KIFC2: variants seen among roughly 807,000 people sequenced by gnomAD.
KIFC2 encodes the protein kinesin family member C2.
KIFC2 carries 94 observed loss-of-function variants against 91.5 expected under a neutral mutation model. The observed-to-expected ratio is 1.03, with a 90% CI of 0.87 to 1.22. The LOEUF is 1.22. Ranked by LOEUF, KIFC2 falls within the 50% of genes most tolerant of loss-of-function variation. The pLI, the probability that KIFC2 is intolerant of heterozygous loss-of-function variation, is 0.00. For missense variants in KIFC2, 1,357 were observed against 1,103.3 expected (o/e 1.23, Z -3.26); for synonymous variants, 729 against 503.9 (o/e 1.45, Z -5.98).
intron 12 of KIFC2, among the ~76,000 whole-genome samples, chr8:144,470,010 C>G (rs145761674): frequency 6.6e-6 from 1 of 152,276 alleles, no homozygotes; most frequent in African/African-American, 2.4e-5. Context: ...CTGGATCCCA[C>G]TCTCCTTCCC....
Position 144,468,323 on chromosome 8 carries a change from C to A in KIFC2, c.811-6C>A. 6.2e-7 allele frequency: 1 copy of A among 1,608,158 alleles called. No individual in the cohort carries two copies. The highest frequency in any genetic ancestry group is 1.7e-5 in the Admixed American group (1 of 59,162). ...TGAGTCCCTCCTGGCCCCCACCCTC[C>A]CGCAGGAGGAGGCAGAGGCATTGCT... On this transcript the variant is annotated splice_region_variant and splice_polypyrimidine_tract_variant and intron_variant, in intron 7 of 17. Transcript: ENST00000645548.
chr8:144,473,063 G>T lies in KIFC2; in HGVS notation c.2118+12G>T. 1 of 1,437,670 alleles carries T rather than the reference G, an allele frequency of 7.0e-7. No individual in the cohort carries two copies. The highest frequency in any genetic ancestry group is 9.1e-7 in the Non-Finnish European group (1 of 1,101,116). 89.1% of individuals were successfully genotyped at this position (1,437,670 alleles called of 1,614,324 possible). On this transcript the variant is annotated intron_variant, in intron 17 of 17. Transcript: ENST00000645548. Reference sequence around the variant, plus strand: ...TGCTGCTGCTGCAGGTGGGCGCCGGGGCGGGGCAGGTGTGTGCGTGCCGGT... The same window carrying T: ...TGCTGCTGCTGCAGGTGGGCGCCGGTGCGGGGCAGGTGTGTGCGTGCCGGT...
chr8:144,469,049 C>T (rs1259982016), intron 10 of KIFC2, among the ~76,000 whole-genome samples: 5 of 152,222 alleles, frequency 3.3e-5, no homozygotes, highest in East Asian at 1.9e-4. Context: ...TGCCCAGAAG[C>T]ACGGAGGAGA....
rs771262733 is a variant in KIFC2 at position 144,472,054 on chromosome 8, A to G, written c.1485+8A>G. On this transcript the variant is annotated splice_region_variant and intron_variant, in intron 13 of 17. Transcript: ENST00000645548. ...AAGACCTACAGCATGGAGGTGGGAC[A>G]GAGCTCACGCCCCAGTGGGAGAGGC... 1.2e-6 allele frequency: 2 copies of G among 1,613,350 alleles called. No individual in the cohort carries two copies. Among genetic ancestry groups the G allele is most frequent in the Non-Finnish European group, 1.7e-6 (2 of 1,179,982 alleles).
chr8:144,471,102 T>C (rs1229807288), intron 12 of KIFC2, among the ~76,000 whole-genome samples: 2 of 151,918 alleles, frequency 1.3e-5, no homozygotes, highest in African/African-American at 4.8e-5. Context: ...TAGCTGGGAT[T>C]ACAGGTGCGT....
chr8:144,470,695 G>T (rs972784579), intron 12 of KIFC2: 6 of 152,332 alleles, frequency 3.9e-5, no homozygotes, highest in African/African-American at 1.4e-4. Flanking sequence ...TCCTAACCTT[G>T]TGTCTCTCTC....
chr8:144,472,677 C>T lies in KIFC2; in HGVS notation c.1832C>T (p.Ala611Val), dbSNP rs777451725. 13 of 1,596,034 alleles carry T rather than the reference C, an allele frequency of 8.1e-6. No individual in the cohort carries two copies. Among genetic ancestry groups the T allele is most frequent in the East Asian group, 2.2e-5 (1 of 44,768 alleles). Residue 611 changes from alanine (A) to valine (V), a missense_variant, in exon 16 of 18, where the codon GCG (alanine) becomes GTG (valine). Transcript: ENST00000645548. ...CTGGTCACGCTGACGCTGCGCGCGG[C>T]GTCTCCACCGCGCGCTCCAGGCACC... The part of the protein sequence containing the change: ...HALVTLTLRA[A>V]SPPRAPGTAG...
In KIFC2 at chr8:144,469,329, G is replaced by T. The variant is rs1327443257; in HGVS notation, c.1172G>T (p.Gly391Val). The T allele has an allele frequency of 5.0e-6, 8 of 1,607,712 alleles. No homozygotes were observed. In the Middle Eastern group the frequency reaches 5.0e-4, roughly 101 times the overall value. Residue 391 changes from glycine (G) to valine (V), a missense_variant, in exon 11 of 18, where the codon GGG (glycine) becomes GTG (valine). Coordinates refer to ENST00000645548, the MANE Select transcript of KIFC2 (RefSeq NM_001369769.2). ...SGGPGTQLPE[G>V]QQGPPAGCPG... ...GGGCCTGGCACTCAGCTCCCTGAGGGGCAGCAAGGGCCCCCAGCCGGATGC... is the reference window on the plus strand; with the variant it reads ...GGGCCTGGCACTCAGCTCCCTGAGGTGCAGCAAGGGCCCCCAGCCGGATGC...
rs112422823 is a variant in KIFC2 at position 144,466,532 on chromosome 8, G to T, written c.99+14G>T. On this transcript the variant is annotated intron_variant, in intron 1 of 17. Coordinates refer to ENST00000645548, the MANE Select transcript of KIFC2 (RefSeq NM_001369769.2). Reference sequence around the variant, plus strand: ...GACCCCGCCCAGGTGAGCGGGGCTGGCCGTGCAGCCCGTCGTCTCCCGCCG... The same window carrying T: ...GACCCCGCCCAGGTGAGCGGGGCTGTCCGTGCAGCCCGTCGTCTCCCGCCG... 1 of 1,218,860 alleles carries T rather than the reference G, an allele frequency of 8.2e-7. No individual in the cohort carries two copies. The highest frequency in any genetic ancestry group is 2.7e-5 in the South Asian group (1 of 37,128). 75.5% of individuals were successfully genotyped at this position (1,218,860 alleles called of 1,614,324 possible).
chr8:144,466,349 G>A lies in KIFC2; in HGVS notation c.-71G>A. 3.7e-6 allele frequency: 2 copies of A among 534,676 alleles called. No individual in the cohort carries two copies. The highest frequency in any genetic ancestry group is 5.2e-6 in the Non-Finnish European group (2 of 383,484). 33.1% of individuals were successfully genotyped at this position (534,676 alleles called of 1,614,324 possible). On this transcript the variant is annotated 5_prime_UTR_variant, in exon 1 of 18. Coordinates refer to ENST00000645548, the MANE Select transcript of KIFC2 (RefSeq NM_001369769.2). ...GAGCATGCGCACCGGCACTGCGGCG[G>A]GCGGGCGCCGAGTCTGGGCGCGGGG... is the stretch of plus-strand genomic sequence containing the variant.
chr8:144,473,264 A>G lies in KIFC2; in HGVS notation c.2251A>G (p.Ser751Gly), dbSNP rs376524561. The change falls in exon 18 of 18, where the codon AGC becomes GGC. Residue 751 changes from serine (S) to glycine (G), a missense_variant. Physicochemically the swap from Ser to Gly is moderately conservative, Grantham distance 56. Coordinates refer to ENST00000645548, the MANE Select transcript of KIFC2 (RefSeq NM_001369769.2). Reference sequence around the variant, plus strand: ...CTCCTCCGGGACGCCTTCTTCCCTCAGCACCGACACTCCGCTCACCGGGAC... The same window carrying G: ...CTCCTCCGGGACGCCTTCTTCCCTCGGCACCGACACTCCGCTCACCGGGAC... The part of the protein sequence containing the change: ...PRSSGTPSSL[S>G]TDTPLTGTPC... The G allele has an allele frequency of 6.2e-7, 1 of 1,605,800 alleles. No individual in the cohort carries two copies.
chr8:144,467,176 C>T (rs375661122), intron 3 of KIFC2, 27 bp from the exon 4 acceptor site: 15 of 1,613,174 alleles, frequency 9.3e-6, no homozygotes, highest in Non-Finnish European at 1.1e-5. Flanking sequence ...TTTCACAGCC[C>T]TGCTCGGATT....
At position 144,472,197 on chromosome 8, in the gene KIFC2, G is replaced by A; in HGVS notation, c.1545G>A (p.Met515Ile). ...PRALQSLFRE[M>I]GAGRQHRVTL... ...CGCTGCAGTCGCTGTTCCGGGAGAT[G>A]GGGGCCGGCCGGCAGCACCGGGTGA... Residue 515 changes from methionine to isoleucine, a missense_variant, in exon 14 of 18, where the codon ATG becomes ATA. By Grantham distance (10) the Met-to-Ile change is conservative. Coordinates refer to ENST00000645548, the MANE Select transcript of KIFC2 (RefSeq NM_001369769.2). The A allele has an allele frequency of 6.2e-7, 1 of 1,613,374 alleles. No individual in the cohort carries two copies. Among genetic ancestry groups the A allele is most frequent in the East Asian group, 2.2e-5 (1 of 44,864 alleles).
rs1339194953 is a variant in KIFC2 at position 144,467,236 on chromosome 8, A to G, written c.364A>G (p.Ser122Gly). The G allele has an allele frequency of 5.0e-6, 8 of 1,613,650 alleles. No homozygotes were observed. The highest frequency in any genetic ancestry group is 1.6e-4 in the Middle Eastern group (1 of 6,062). The change falls in exon 4 of 18, where the codon AGT (serine) becomes GGT (glycine). Residue 122 changes from serine to glycine, a missense_variant. Coordinates refer to ENST00000645548, the MANE Select transcript of KIFC2 (RefSeq NM_001369769.2). Reference protein sequence around the residue: ...GEVPSLLTVTSQLLALLAWLR... With the variant: ...GEVPSLLTVTGQLLALLAWLR... ...GGTCCCCTCACTGTTGACAGTGACCAGTCAGCTCTTGGCCCTTCTGGCATG... is the reference window on the plus strand; with the variant it reads ...GGTCCCCTCACTGTTGACAGTGACCGGTCAGCTCTTGGCCCTTCTGGCATG...
At position 144,472,343 on chromosome 8, in the gene KIFC2, C is replaced by T; in HGVS notation, c.1608-18C>T. On this transcript the variant is annotated intron_variant, in intron 14 of 17. Coordinates refer to ENST00000645548, the MANE Select transcript of KIFC2 (RefSeq NM_001369769.2). ...TTCCAGAGAATTCTGGAACCAAGAC[C>T]TTCCCCTTTCTCACCAGGGACCTCC... 6.2e-7 allele frequency: 1 copy of T among 1,613,502 alleles called. No individual in the cohort carries two copies. Among genetic ancestry groups the T allele is most frequent in the Non-Finnish European group, 8.5e-7 (1 of 1,179,988 alleles).
Position 144,472,722 on chromosome 8 carries a change from C to T in KIFC2, c.1861+16C>T, listed in dbSNP as rs757943964. 6.3e-7 allele frequency: 1 copy of T among 1,592,718 alleles called. No individual in the cohort carries two copies. The highest frequency in any genetic ancestry group is 1.7e-5 in the Admixed American group (1 of 59,358). On this transcript the variant is annotated intron_variant, in intron 16 of 17. Coordinates refer to ENST00000645548, the MANE Select transcript of KIFC2 (RefSeq NM_001369769.2). ...GGCACCGCAGGTACCACGGCCGGTG[C>T]CTGAGCCCTGCGGAGTCTCCAGAGC...
chr8:144,473,650 C>T lies in KIFC2; in HGVS notation c.*261C>T, dbSNP rs796397414. ...TCCTTATCACCATTTGCTGTTATCA[C>T]GGCACACAGCAGGGAATCCCAGGCC... is the stretch of plus-strand genomic sequence containing the variant. On this transcript the variant is annotated 3_prime_UTR_variant, in exon 18 of 18. Transcript: ENST00000645548. 3 of 513,616 alleles carry T rather than the reference C, an allele frequency of 5.8e-6. No individual in the cohort carries two copies. The highest frequency in any genetic ancestry group is 6.9e-5 in the East Asian group (2 of 29,156). 31.8% of individuals were successfully genotyped at this position (513,616 alleles called of 1,614,324 possible). A position where few individuals can be genotyped will look rare whatever the true frequency, so the allele number is the denominator to read the frequency against.
intron 12 of KIFC2, chr8:144,470,604 TAGC>T (rs1157446465): frequency 1.3e-5 from 2 of 152,290 alleles, no homozygotes; most frequent in Non-Finnish European, 2.9e-5. Context: ...CCCACCCTGT[TAGC>T]AGCGACCTTC....
At chr8:144,472,313 C>G (rs200899689) in intron 14 of KIFC2, 48 bp from the exon 15 acceptor site, 1 of 1,613,434 alleles carries the variant, frequency 6.2e-7, no homozygotes, top group Non-Finnish European at 8.5e-7. Context: ...AGGGCCCTTC[C>G]GGATTTCCAG....
Sources: allele counts gnomAD v4.1 joint callset (sites outside exome capture counted in the v4.1 genomes callset), GRCh38; gene constraint gnomAD v4.1.1; transcripts MANE v1.5; gene names NCBI Gene and HGNC (gene_info 2026-07-23, HGNC 2026-07-21).